Variants in CD36 observed in about 807,000 individuals in gnomAD.
CD36 encodes the protein CD36 molecule (CD36 blood group).
A neutral mutation model predicts 55.2 loss-of-function variants in CD36; 119 were observed. That is an observed-to-expected ratio of 2.15 (90% CI 1.86 to 2.51). CD36 has a LOEUF of 2.51. Ranked by LOEUF, CD36 falls within the 30% of genes most tolerant of loss-of-function variation. The probability of loss-of-function intolerance (pLI) is 0.00; values close to 1 mark genes in which losing one functional copy is unlikely to be tolerated. For synonymous variants in CD36, 186 were observed against 193.6 expected (o/e 0.96, Z 0.33); for missense variants, 819 against 555.5 (o/e 1.47, Z -4.77).
intron 1 of CD36, among the ~76,000 whole-genome samples, chr7:80,613,334 G>A (rs1393210910): frequency 6.6e-6 from 1 of 151,896 alleles, no homozygotes; most frequent in Non-Finnish European, 1.5e-5. Flanking sequence ...ATATGATAAA[G>A]GCAATACAAG....
chr7:80,673,739 T>TGAAACTGTTGACC (rs944601949), intron 13 of CD36: 3 of 573,712 alleles, frequency 5.2e-6, no homozygotes, highest in Non-Finnish European at 9.3e-6. Context: ...TTGGAGCAAA[T>TGAAACTGTTGACC]GAAACTGTTG....
At chr7:80,665,536 C>T (rs1210723846) in intron 7 of CD36, among the ~76,000 whole-genome samples, 1 of 145,200 alleles carries the variant, frequency 6.9e-6, no homozygotes, top group Non-Finnish European at 1.6e-5. Context: ...GAAAAAAACA[C>T]TTCTAAGTAT....
chr7:80,619,581 A>G (rs959555333), intron 1 of CD36, among the ~76,000 whole-genome samples: 1 of 148,622 alleles, frequency 6.7e-6, no homozygotes, highest in Non-Finnish European at 1.5e-5. Context: ...CAGGAGGCAG[A>G]GATTGCAGTG....
chr7:80,675,650 A>G (rs1178014109), intron 14 of CD36, among the ~76,000 whole-genome samples: 1 of 152,188 alleles, frequency 6.6e-6, no homozygotes, highest in East Asian at 1.9e-4. Context: ...TACTAGATTT[A>G]GAAGAATCAC....
intron 3 of CD36, among the ~76,000 whole-genome samples, chr7:80,653,299 A>G (rs146911808): frequency 7.0e-4 from 107 of 152,332 alleles, no homozygotes; most frequent in African/African-American, 2.4e-3. Flanking sequence ...ACTCTACTCC[A>G]TGCGTAGCAA....
intron 1 of CD36, among the ~76,000 whole-genome samples, chr7:80,622,538 T>C (rs1793527286): frequency 6.6e-6 from 1 of 152,250 alleles, no homozygotes; most frequent in South Asian, 2.1e-4. Flanking sequence ...AGCAATATTC[T>C]AGTTACATTT....
intron 1 of CD36, among the ~76,000 whole-genome samples, chr7:80,626,778 C>A (rs2077615239): frequency 6.6e-6 from 1 of 152,046 alleles, no homozygotes; most frequent in Non-Finnish European, 1.5e-5. Flanking sequence ...AACATATTCT[C>A]AACCTTTGTT....
At chr7:80,636,194 G>A (rs1489696655), upstream of CD36, among the ~76,000 whole-genome samples, 2 of 152,094 alleles carry the variant, frequency 1.3e-5, no homozygotes. Context: ...AGGCTTGTAG[G>A]AAGTGGGGGT....
chr7:80,644,986 T>G (rs1795048747), intron 1 of CD36, among the ~76,000 whole-genome samples: 1 of 151,578 alleles, frequency 6.6e-6, no homozygotes, highest in Non-Finnish European at 1.5e-5. Flanking sequence ...TACAGTAGGA[T>G]CCACTCATTT....
rs111412196 is a variant in CD36 at position 80,664,391 on chromosome 7, A to T, written c.610-15A>T. The T allele has an allele frequency of 3.6e-5, 47 of 1,320,646 alleles. No homozygotes were observed. Among genetic ancestry groups the T allele is most frequent in the African/African-American group, 3.3e-4 (23 of 69,364 alleles). 81.8% of individuals were successfully genotyped at this position (1,320,646 alleles called of 1,614,324 possible). On this transcript the variant is annotated splice_polypyrimidine_tract_variant and intron_variant, in intron 6 of 14. Coordinates refer to ENST00000447544, the MANE Select transcript of CD36 (RefSeq NM_001001548.3). Reference sequence around the variant, plus strand: ...TGACTTGTAGAAGTAACATTTTCCCATACATATATTTCAGTACAACAATAC... The same window carrying T: ...TGACTTGTAGAAGTAACATTTTCCCTTACATATATTTCAGTACAACAATAC...
At chr7:80,673,839 C>A (rs1797973802) in intron 13 of CD36, 144 bp from the exon 14 acceptor site, 2 of 696,802 alleles carry the variant, frequency 2.9e-6, no homozygotes, top group Non-Finnish European at 2.6e-6. Flanking sequence ...TCTTGACTTG[C>A]AAAAGGAATT....
intron 1 of CD36, among the ~76,000 whole-genome samples, chr7:80,612,491 C>T (rs1268264272): frequency 1.3e-5 from 2 of 152,136 alleles, no homozygotes; most frequent in Non-Finnish European, 2.9e-5. Flanking sequence ...GGTCTTTCTA[C>T]TTACTATGTA....
At chr7:80,628,128 T>A (rs1793853942) in intron 1 of CD36, among the ~76,000 whole-genome samples, 1 of 152,050 alleles carries the variant, frequency 6.6e-6, no homozygotes, top group South Asian at 2.1e-4. Flanking sequence ...CTTCCTCTCC[T>A]ACAAAAGTAT....
chr7:80,642,169 A>G (rs1416388115), intron 1 of CD36, among the ~76,000 whole-genome samples: 2 of 152,068 alleles, frequency 1.3e-5, no homozygotes, highest in East Asian at 3.9e-4. Context: ...AGTTTTCTGT[A>G]TCTTGGCTTT....
intron 1 of CD36, among the ~76,000 whole-genome samples, chr7:80,616,474 C>T (rs1030237351): frequency 1.4e-4 from 19 of 136,982 alleles, no homozygotes; most frequent in Admixed American, 1.0e-3. Context: ...CACACACACA[C>T]GCAATTTGAG....
intron 14 of CD36, among the ~76,000 whole-genome samples, chr7:80,674,752 G>T (rs1355814067): frequency 1.3e-5 from 2 of 151,978 alleles, no homozygotes; most frequent in Non-Finnish European, 2.9e-5. Context: ...AGTTATCACA[G>T]GTAACATTGG....
At chr7:80,620,110 T>G (rs1793380463) in intron 1 of CD36, among the ~76,000 whole-genome samples, 2 of 151,994 alleles carry the variant, frequency 1.3e-5, no homozygotes, top group African/African-American at 4.8e-5. Context: ...TAAACCATGT[T>G]TTTCCTCTGC....
In CD36 at chr7:80,674,035, G is replaced by A. The variant is rs199889102; in HGVS notation, c.1307G>A (p.Gly436Glu). 28 of 1,612,338 alleles carry A rather than the reference G, an allele frequency of 1.7e-5. No homozygotes were observed. Among genetic ancestry groups the A allele is most frequent in the Non-Finnish European group, 2.2e-5 (26 of 1,178,894 alleles). Residue 436 changes from glycine (G) to glutamate (E), a missense_variant, in exon 14 of 15, where the codon GGA (glycine) becomes GAA (glutamate). Coordinates refer to ENST00000447544, the MANE Select transcript of CD36 (RefSeq NM_001001548.3). ...KANMFRSQVT[G>E]KINLLGLIEM... is the part of the protein sequence containing the mutation. ...AACATGTTCAGAAGTCAAGTAACTG[G>A]AAAAATAAACCTCCTTGGCCTGATA...
At position 80,656,634 on chromosome 7, in the gene CD36, A is replaced by C; in HGVS notation, c.215A>C (p.Asn72Thr). ...CAGTTTTGGATCTTTGATGTGCAAA[A>C]TCCACAGGAAGTGATGATGAACAGC... Reference protein sequence around the residue: ...YRQFWIFDVQNPQEVMMNSSN... With the variant: ...YRQFWIFDVQTPQEVMMNSSN... Residue 72 changes from asparagine (N) to threonine (T), a missense_variant, in exon 4 of 15, where the codon AAT becomes ACT. Physicochemically the swap from Asn to Thr is moderately conservative, Grantham distance 65 (BLOSUM62 0). Coordinates refer to ENST00000447544, the MANE Select transcript of CD36 (RefSeq NM_001001548.3). The C allele has an allele frequency of 1.9e-6, 3 of 1,613,850 alleles. No individual in the cohort carries two copies. The highest frequency in any genetic ancestry group is 2.5e-6 in the Non-Finnish European group (3 of 1,179,848).
Sources: gnomAD v4.1 joint callset for allele counts (sites outside exome capture counted in the v4.1 genomes callset) on GRCh38, gnomAD v4.1.1 for gene constraint, MANE v1.5 for transcripts, NCBI Gene and HGNC (gene_info 2026-07-23, HGNC 2026-07-21) for gene names.